Variants in MAP2K4 observed in about 807,000 individuals in gnomAD.
MAP2K4 encodes mitogen-activated protein kinase kinase 4.
In MAP2K4, 4 loss-of-function variants were observed where a neutral mutation model predicts 48.5. The observed-to-expected ratio is 0.08, with a 90% CI of 0.04 to 0.19. The LOEUF (loss-of-function observed/expected upper bound fraction) is 0.19. MAP2K4 is among the 10% of genes least tolerant of loss of function. MAP2K4 has a pLI of 1.00. For synonymous variants in MAP2K4, 166 were observed against 173.1 expected (o/e 0.96, Z 0.32); for missense variants, 258 against 493.3 (o/e 0.52, Z 4.52).
Position 12,020,944 on chromosome 17 carries a change from AC to A in MAP2K4, c.63del (p.Gly22AlafsTer3). On this transcript the variant is annotated frameshift_variant, in exon 1 of 11. Transcript: ENST00000353533. LOFTEE classifies it high-confidence loss of function. ...CTCCGGGGGCGGCAGCGGCAGCGGC[AC>A]CCCCGGCCCCGTAGGGTCCCCGGCG... The part of the protein sequence containing the change: ...GGSGGGSGSG[T>X]PGPVGSPAPG... 2.5e-6 allele frequency: 3 copies of A among 1,176,474 alleles called. No individual in the cohort carries two copies. The highest frequency in any genetic ancestry group is 3.5e-4 in the Middle Eastern group (1 of 2,880). The allele number at this position is 1,176,474 out of a possible 1,614,324, so 72.9% of individuals were successfully genotyped here. A position where few individuals can be genotyped will look rare whatever the true frequency, so the allele number is the denominator to read the frequency against.
At chr17:12,065,676 T>C (rs1448490230) in intron 2 of MAP2K4, among the ~76,000 whole-genome samples, 1 of 152,180 alleles carries the variant, frequency 6.6e-6, no homozygotes, top group Non-Finnish European at 1.5e-5. Flanking sequence ...CCTCAGGTGA[T>C]CTGTCTGACT....
chr17:12,043,500 G>A (rs1387283433), intron 1 of MAP2K4, among the ~76,000 whole-genome samples: 2 of 152,068 alleles, frequency 1.3e-5, no homozygotes, highest in African/African-American at 4.8e-5. Context: ...CAAATGGGGT[G>A]TTTAGGATAC....
chr17:12,087,177 C>T lies in MAP2K4; in HGVS notation c.393+5647C>T, dbSNP rs557226142. Reference sequence around the variant, plus strand: ...ACCTGTCTTACCATACCTCACTCTGCGTGGGTGTCATTTGAACCAGTATGT... The same window carrying T: ...ACCTGTCTTACCATACCTCACTCTGTGTGGGTGTCATTTGAACCAGTATGT... On this transcript the variant is annotated intron_variant, in intron 3 of 10. Coordinates refer to ENST00000353533, the MANE Select transcript of MAP2K4 (RefSeq NM_003010.4). 6.6e-5 allele frequency among the ~76,000 whole-genome samples: 10 copies of T among 152,200 alleles called. No individual in the cohort carries two copies. In the South Asian group the frequency reaches 8.3e-4, roughly 13 times the overall value.
intron 4 of MAP2K4, among the ~76,000 whole-genome samples, chr17:12,103,470 T>A (rs573897428): frequency 6.6e-6 from 1 of 152,282 alleles, no homozygotes; most frequent in East Asian, 1.9e-4. Context: ...TTTGTTTGTT[T>A]CTTAAGGTGG....
chr17:12,117,461 C>T (rs1972539759), intron 7 of MAP2K4, among the ~76,000 whole-genome samples: 1 of 151,948 alleles, frequency 6.6e-6, no homozygotes. Flanking sequence ...ATCTTTTCCA[C>T]ACATGCCCAG....
intron 4 of MAP2K4, 78 bp from the exon 5 acceptor site, chr17:12,107,712 C>T: frequency 1.6e-6 from 2 of 1,220,412 alleles, no homozygotes; most frequent in Non-Finnish European, 2.3e-6. Flanking sequence ...TTGCTCCTTT[C>T]TATTGTATTT....
In MAP2K4 at chr17:12,076,283, G is replaced by C. The variant is rs1255111831; in HGVS notation, c.219-5073G>C. 9.4e-3 allele frequency among the ~76,000 whole-genome samples: 1,110 copies of C among 117,792 alleles called. 13 individuals are homozygous for C. Among genetic ancestry groups the C allele is most frequent in the African/African-American group, 0.038 (1,041 of 27,622 alleles). 77.3% of individuals were successfully genotyped at this position (117,792 alleles called of 152,430 possible). A position where few individuals can be genotyped will look rare whatever the true frequency, so the allele number is the denominator to read the frequency against. ...CTGGGACATTATGTCACAGTTCTGT[G>C]TGTGTGTGTGTGTGTGTGTGTGTGT... On this transcript the variant is annotated intron_variant, in intron 2 of 10. Coordinates refer to ENST00000353533, the MANE Select transcript of MAP2K4 (RefSeq NM_003010.4).
chr17:12,060,525 G>A (rs1970413865), intron 2 of MAP2K4, among the ~76,000 whole-genome samples: 2 of 152,118 alleles, frequency 1.3e-5, no homozygotes, highest in African/African-American at 4.8e-5. Context: ...CATCTCTGGT[G>A]GATTTCTAAG....
At chr17:12,071,309 A>G (rs1041487432) in intron 2 of MAP2K4, among the ~76,000 whole-genome samples, 4 of 152,126 alleles carry the variant, frequency 2.6e-5, no homozygotes, top group African/African-American at 9.7e-5. Context: ...GGCTTCTTAA[A>G]TCACATTGTA....
chr17:12,088,937 A>G (rs1432875055), intron 3 of MAP2K4, among the ~76,000 whole-genome samples: 3 of 144,894 alleles, frequency 2.1e-5, no homozygotes, highest in South Asian at 2.2e-4. Context: ...TTTGAGACAG[A>G]GTCTCGCTCT....
chr17:12,079,591 G>A (rs111888678), intron 2 of MAP2K4, among the ~76,000 whole-genome samples: 6 of 152,050 alleles, frequency 3.9e-5, no homozygotes, highest in African/African-American at 1.4e-4. Flanking sequence ...TTCAATTAGC[G>A]AACACTGTAA....
chr17:12,088,544 A>G (rs1246991970), intron 3 of MAP2K4, among the ~76,000 whole-genome samples: 7 of 82,850 alleles, frequency 8.4e-5, no homozygotes, highest in Non-Finnish European at 1.8e-4. Flanking sequence ...ATATTAAATT[A>G]TATCTAATAT....
intron 10 of MAP2K4, among the ~76,000 whole-genome samples, chr17:12,140,916 G>T (rs149810740): frequency 1.3e-5 from 2 of 152,196 alleles, no homozygotes; most frequent in African/African-American, 4.8e-5. Context: ...CACTGCCAAG[G>T]TGGCACCTTC....
intron 1 of MAP2K4, chr17:12,021,302 C>T: frequency 5.0e-6 from 1 of 198,190 alleles, no homozygotes; most frequent in African/African-American, 2.3e-5. Context: ...CGCGGCCGTC[C>T]CCATCGCCCC....
Position 12,055,299 on chromosome 17 carries a change from G to A in MAP2K4, c.218+308G>A, listed in dbSNP as rs190707956. On this transcript the variant is annotated intron_variant, in intron 2 of 10. Coordinates refer to ENST00000353533, the MANE Select transcript of MAP2K4 (RefSeq NM_003010.4). ...TTGAAAGAGTTGTGTACATGTGAGT[G>A]TACACATATCAGTGGTTATTTCATT... Among the ~76,000 whole-genome samples, 108 of 152,182 alleles carry A rather than the reference G, an allele frequency of 7.1e-4. 3 individuals carry two copies. In the South Asian group the frequency reaches 0.011, roughly 15 times the overall value.
At chr17:12,058,146 G>A (rs1970339827) in intron 2 of MAP2K4, among the ~76,000 whole-genome samples, 2 of 151,494 alleles carry the variant, frequency 1.3e-5, no homozygotes, top group African/African-American at 2.4e-5. Context: ...CTCTCCAGAT[G>A]TGTTTGTTCT....
chr17:12,107,771 G>A lies in MAP2K4; in HGVS notation c.514-19G>A, dbSNP rs2151572784. ...ATATTTAAGATGTATAAGAATAACA[G>A]ATATTTGTTATTTTATAGGGTGACT... is the stretch of plus-strand genomic sequence containing the variant. On this transcript the variant is annotated intron_variant, in intron 4 of 10. Coordinates refer to ENST00000353533, the MANE Select transcript of MAP2K4 (RefSeq NM_003010.4). 1.3e-6 allele frequency: 2 copies of A among 1,558,314 alleles called. No individual in the cohort carries two copies. The highest frequency in any genetic ancestry group is 1.7e-6 in the Non-Finnish European group (2 of 1,154,824).
intron 7 of MAP2K4, chr17:12,125,010 T>A (rs1190947181): frequency 2.6e-6 from 1 of 382,716 alleles, no homozygotes; most frequent in Admixed American, 3.8e-5. Context: ...GTTTTCTTCC[T>A]TTGTCTCCCT....
chr17:12,095,231 G>A (rs28923196), intron 3 of MAP2K4, among the ~76,000 whole-genome samples: 2,070 of 152,278 alleles, frequency 0.014, 17 homozygotes, highest in East Asian at 0.046. Flanking sequence ...TTATTCATAT[G>A]AAACTGTTAA....
Sources: gnomAD v4.1 joint callset for allele counts (sites outside exome capture counted in the v4.1 genomes callset) on GRCh38, gnomAD v4.1.1 for gene constraint, MANE v1.5 for transcripts, NCBI Gene and HGNC (gene_info 2026-07-23, HGNC 2026-07-21) for gene names.